Variants in KLRD1 observed in about 807,000 individuals in gnomAD.
The protein encoded by KLRD1 is natural killer cells antigen CD94.
A neutral mutation model predicts 22.6 loss-of-function variants in KLRD1; 21 were observed. The ratio of observed to expected loss-of-function variants is 0.93; its 90% CI spans 0.66 to 1.34. The LOEUF (loss-of-function observed/expected upper bound fraction) is 1.34. KLRD1 is among the 40% of genes most tolerant of loss of function. The pLI, the probability that KLRD1 is intolerant of heterozygous loss-of-function variation, is 0.00. For missense variants in KLRD1, 183 were observed against 208.6 expected, an observed-to-expected ratio of 0.88 and a Z score of 0.76; for synonymous variants, 59 against 71.1, an observed-to-expected ratio of 0.83 and a Z score of 0.85.
At chr12:10,292,733 C>T (rs760379106) in intron 1 of KLRD1, among the ~76,000 whole-genome samples, 1 of 152,112 alleles carries the variant, frequency 6.6e-6, no homozygotes, top group Non-Finnish European at 1.5e-5. Flanking sequence ...CAACTTAAGT[C>T]ACCAGTTAGC....
intron 1 of KLRD1, among the ~76,000 whole-genome samples, chr12:10,270,481 G>A (rs1337563095): frequency 6.6e-6 from 1 of 152,052 alleles, no homozygotes; most frequent in Non-Finnish European, 1.5e-5. Flanking sequence ...TGTCATCAAT[G>A]GAAACCAGAT....
Position 10,311,556 on chromosome 12 carries a change from C to A in KLRD1, c.256C>A (p.Arg86=), listed in dbSNP as rs756289437. 6.2e-7 allele frequency: 1 copy of A among 1,614,048 alleles called. No homozygotes were observed. The highest frequency in any genetic ancestry group is 8.5e-7 in the Non-Finnish European group (1 of 1,179,948). ...TGAACAGAAAACTTGGAACGAAAGTCGGCATCTCTGTGCTTCTCAGAAATC... is the reference window on the plus strand; with the variant it reads ...TGAACAGAAAACTTGGAACGAAAGTAGGCATCTCTGTGCTTCTCAGAAATC... The part of the protein sequence containing the change: ...SSEQKTWNES[R]HLCASQKSSL... Residue 86 remains arginine, a synonymous_variant, in exon 4 of 6, where the codon CGG becomes AGG. Coordinates refer to ENST00000336164, the MANE Select transcript of KLRD1 (RefSeq NM_002262.5).
rs1373689033 is a variant in KLRD1 at position 10,328,811 on chromosome 12, C to T, written c.*14018C>T. 1 of 152,204 alleles carries T rather than the reference C, an allele frequency of 6.6e-6. No individual in the cohort carries two copies. The highest frequency in any genetic ancestry group is 1.5e-5 in the Non-Finnish European group (1 of 68,090). The allele number at this position is 152,204 out of a possible 1,614,324, so 9.4% of individuals were successfully genotyped here. ...TAAAGAAAAAGAGGTTTAATGGACT[C>T]ACAGTTCCACGTGGCTGGGGAGGCC... On this transcript the variant is annotated 3_prime_UTR_variant, in exon 6 of 6. Transcript: ENST00000336164.
At chr12:10,303,223 TC>T (rs1949882240), upstream of KLRD1, among the ~76,000 whole-genome samples, 1 of 152,218 alleles carries the variant, frequency 6.6e-6, no homozygotes. Context: ...ATCTGCCTAC[TC>T]TCATTCACCA....
intron 1 of KLRD1, chr12:10,308,891 A>G (rs1422980367): frequency 1.3e-5 from 2 of 154,866 alleles, no homozygotes; most frequent in Non-Finnish European, 2.9e-5. Flanking sequence ...TGAGCTAGAC[A>G]CACTTTCATG....
In KLRD1 at chr12:10,314,847, G is replaced by A. The variant is rs1051028867; in HGVS notation, c.*54G>A. ...GTAAAGACCCAACATTACTAACAAT[G>A]ATACAGTTGCATGTTATATTATTAC... On this transcript the variant is annotated 3_prime_UTR_variant, in exon 6 of 6. Transcript: ENST00000336164. The A allele has an allele frequency of 1.3e-5, 20 of 1,494,790 alleles. No homozygotes were observed. The Admixed American group carries it at 2.5e-4, about 19-fold the overall frequency. The allele number at this position is 1,494,790 out of a possible 1,614,324, so 92.6% of individuals were successfully genotyped here.
upstream of KLRD1, among the ~76,000 whole-genome samples, chr12:10,302,893 T>G (rs971437938): frequency 8.5e-5 from 13 of 152,348 alleles, no homozygotes; most frequent in Admixed American, 8.5e-4. Flanking sequence ...ACCTACACTT[T>G]AGCAGAGCTC....
In KLRD1 at chr12:10,314,713, G is replaced by T; in HGVS notation, c.460G>T (p.Ala154Ser). ...FETFNTKNCIAYNPNGNALDE... is the reference protein window; with the variant it reads ...FETFNTKNCISYNPNGNALDE... ...AACTTTTAATACAAAGAACTGCATA[G>T]CGTATAATCCAAATGGAAATGCTTT... Residue 154 changes from alanine to serine, a missense_variant, in exon 6 of 6, where the codon GCG becomes TCG. Physicochemically the swap from Ala to Ser is moderately conservative, Grantham distance 99 (BLOSUM62 1). Coordinates refer to ENST00000336164, the MANE Select transcript of KLRD1 (RefSeq NM_002262.5). 6.3e-7 allele frequency: 1 copy of T among 1,595,134 alleles called. No individual in the cohort carries two copies. The highest frequency in any genetic ancestry group is 1.7e-5 in the Admixed American group (1 of 57,564).
rs1950377706 is a variant in KLRD1 at position 10,328,145 on chromosome 12, T to C, written c.*13352T>C. The C allele has an allele frequency of 6.6e-6, 1 of 152,168 alleles. No homozygotes were observed. The allele number at this position is 152,168 out of a possible 1,614,324, so 9.4% of individuals were successfully genotyped here. The stretch of plus-strand genomic sequence containing the variant: ...TTCTTGTGGTATCTTTGACAAGCTT[T>C]GGTGTAATGGTAATGCTGGCCACAT... On this transcript the variant is annotated 3_prime_UTR_variant, in exon 6 of 6. Coordinates refer to ENST00000336164, the MANE Select transcript of KLRD1 (RefSeq NM_002262.5).
intron 1 of KLRD1, among the ~76,000 whole-genome samples, chr12:10,280,583 C>G (rs1244342555): frequency 6.6e-6 from 1 of 152,058 alleles, no homozygotes; most frequent in Non-Finnish European, 1.5e-5. Flanking sequence ...CAGATTCTAG[C>G]CATTTCCAGG....
upstream of KLRD1, among the ~76,000 whole-genome samples, chr12:10,302,142 T>C (rs1237710099): frequency 2.0e-5 from 3 of 152,162 alleles, no homozygotes; most frequent in Non-Finnish European, 4.4e-5. Flanking sequence ...AGTTGCAAAA[T>C]GTGACGGAGA....
At chr12:10,254,068 G>T (rs7294504) in intron 1 of KLRD1, among the ~76,000 whole-genome samples, 2 of 152,040 alleles carry the variant, frequency 1.3e-5, no homozygotes, top group Non-Finnish European at 2.9e-5. Context: ...AAAAGCAATC[G>T]CAACAAAAGC....
chr12:10,242,071 GTTTTT>G (rs72326980), intron 1 of KLRD1, among the ~76,000 whole-genome samples: 2 of 99,396 alleles, frequency 2.0e-5, no homozygotes, highest in Non-Finnish European at 3.7e-5. Context: ...TGTTCTTGCT[GTTTTT>G]TTTTTTTTTT....
In KLRD1 at chr12:10,316,128, A is replaced by AAAG. The variant is rs1305118761; in HGVS notation, c.*1337_*1338insGAA. On this transcript the variant is annotated 3_prime_UTR_variant, in exon 6 of 6. Coordinates refer to ENST00000336164, the MANE Select transcript of KLRD1 (RefSeq NM_002262.5). ...GCCAGACTCCTCTCCAAAAAAAAAA[A>AAAG]AAAAAAAAAAAGATGAAAGGATTTG... The AAAG allele has an allele frequency of 8.6e-5, 13 of 151,492 alleles. No individual in the cohort carries two copies. Among genetic ancestry groups the AAAG allele is most frequent in the African/African-American group, 2.9e-4 (12 of 41,292 alleles). The allele number at this position is 151,492 out of a possible 1,614,324, so 9.4% of individuals were successfully genotyped here.
At chr12:10,297,607 G>A (rs1949833650) in intron 1 of KLRD1, among the ~76,000 whole-genome samples, 1 of 152,010 alleles carries the variant, frequency 6.6e-6, no homozygotes, top group African/African-American at 2.4e-5. Flanking sequence ...CTCTTTCAGG[G>A]TTGTCACTAT....
At chr12:10,288,513 T>G (rs942389258) in intron 1 of KLRD1, among the ~76,000 whole-genome samples, 1 of 152,194 alleles carries the variant, frequency 6.6e-6, no homozygotes, top group Non-Finnish European at 1.5e-5. Flanking sequence ...CAAAGGTTAG[T>G]GAGACTCAGC....
intron 1 of KLRD1, among the ~76,000 whole-genome samples, chr12:10,276,632 G>A (rs999310383): frequency 2.0e-5 from 3 of 150,818 alleles, no homozygotes; most frequent in Admixed American, 1.3e-4. Context: ...AGGTTCAAGC[G>A]ATTCTCCTGC....
In KLRD1 at chr12:10,321,375, A is replaced by C. The variant is rs1950310957; in HGVS notation, c.*6582A>C. On this transcript the variant is annotated 3_prime_UTR_variant, in exon 6 of 6. Transcript: ENST00000336164. ...TCTCACTCATACCTGGATGTGACAA[A>C]TTTCGGACTTTGAACTGACATTGTA... The C allele has an allele frequency of 6.6e-6, 1 of 152,198 alleles. No homozygotes were observed. Among genetic ancestry groups the C allele is most frequent in the African/African-American group, 2.4e-5 (1 of 41,436 alleles). 9.4% of individuals were successfully genotyped at this position (152,198 alleles called of 1,614,324 possible).
At chr12:10,243,000 G>A (rs1009512573) in intron 1 of KLRD1, among the ~76,000 whole-genome samples, 7 of 152,078 alleles carry the variant, frequency 4.6e-5, no homozygotes, top group East Asian at 1.9e-4. Context: ...AATCTGGGGG[G>A]CATTATGGTA....
Sources: gnomAD v4.1 joint callset for allele counts (sites outside exome capture counted in the v4.1 genomes callset) on GRCh38, gnomAD v4.1.1 for gene constraint, MANE v1.5 for transcripts, NCBI Gene and HGNC (gene_info 2026-07-23, HGNC 2026-07-21) for gene names.